Variants in URM1 observed in about 807,000 individuals in gnomAD.
The protein encoded by URM1 is ubiquitin related modifier 1.
A neutral mutation model predicts 17.7 loss-of-function variants in URM1; 11 were observed. The ratio of observed to expected loss-of-function variants is 0.62; its 90% confidence interval spans 0.39 to 1.03. The LOEUF (loss-of-function observed/expected upper bound fraction) is 1.03. Ranked by LOEUF, URM1 falls within the 50% of genes least tolerant of loss-of-function variation. The pLI, the probability that URM1 is intolerant of heterozygous loss-of-function variation, is 0.00. For synonymous variants in URM1, 48 were observed against 50.6 expected (o/e 0.95, Z 0.22); for missense variants, 128 against 129.2 (o/e 0.99, Z 0.04).
intron 2 of URM1, among the ~76,000 whole-genome samples, chr9:128,386,634 G>A (rs1022850611): frequency 6.6e-6 from 1 of 152,238 alleles, no homozygotes; most frequent in African/African-American, 2.4e-5. Context: ...CTGGGGCCGT[G>A]TGTGCGTGCC....
intron 1 of URM1, among the ~76,000 whole-genome samples, chr9:128,377,395 A>G (rs1833091695): frequency 6.6e-6 from 1 of 152,188 alleles, no homozygotes; most frequent in African/African-American, 2.4e-5. Flanking sequence ...GATATGGGCC[A>G]GGCGCGGTGG....
intron 1 of URM1, among the ~76,000 whole-genome samples, chr9:128,377,563 G>A (rs1037837039): frequency 2.6e-5 from 4 of 152,240 alleles, no homozygotes; most frequent in African/African-American, 4.8e-5. Context: ...CCAGCTACTC[G>A]GGAGGCTGAG....
rs562086648 is a variant in URM1 at position 128,378,483 on chromosome 9, C to T, written c.106+377C>T. The stretch of plus-strand genomic sequence containing the variant: ...ACCGGAACCTGGGAGGCGGAGGTTG[C>T]AGTGAGCCGAGATCATGCCACTGTA... On this transcript the variant is annotated intron_variant, in intron 2 of 4. Coordinates refer to ENST00000372853, the MANE Select transcript of URM1 (RefSeq NM_030914.4). Among the ~76,000 whole-genome samples the T allele has an allele frequency of 3.4e-4, 43 of 125,902 alleles. 1 individual carries two copies. In the East Asian group the frequency reaches 9.6e-3, roughly 28 times the overall value. The allele number at this position is 125,902 out of a possible 152,430, so 82.6% of individuals were successfully genotyped here.
At chr9:128,384,829 TA>T (rs1327120212) in intron 2 of URM1, among the ~76,000 whole-genome samples, 1 of 152,084 alleles carries the variant, frequency 6.6e-6, no homozygotes. Flanking sequence ...ATAGAACTAG[TA>T]AGTGATGGAG....
At chr9:128,373,173 TCCACCCACCCAC>T (rs567443765) in intron 1 of URM1, among the ~76,000 whole-genome samples, 2 of 146,968 alleles carry the variant, frequency 1.4e-5, no homozygotes, top group East Asian at 2.0e-4. Context: ...ACAACATTCC[TCCACCCACCCAC>T]CCACCCACCC....
At chr9:128,377,210 C>T (rs1427432881) in intron 1 of URM1, among the ~76,000 whole-genome samples, 1 of 152,038 alleles carries the variant, frequency 6.6e-6, no homozygotes, top group Non-Finnish European at 1.5e-5. Flanking sequence ...CCTACCTTGC[C>T]ACATTAGAAG....
intron 1 of URM1, 84 bp from the exon 2 acceptor site, chr9:128,377,952 C>T: frequency 2.1e-6 from 3 of 1,454,882 alleles, no homozygotes; most frequent in Non-Finnish European, 2.9e-6. Context: ...ATTACCAGCC[C>T]TATCCTCAGT....
At position 128,378,850 on chromosome 9, in the gene URM1, G is replaced by T. The variant is rs533986915; in HGVS notation, c.106+744G>T. ...TAATCCCAGCTACTCAGGAGGCTGG[G>T]GCAGGAGAATTGCTTAAACCTGGGA... On this transcript the variant is annotated intron_variant, in intron 2 of 4. Coordinates refer to ENST00000372853, the MANE Select transcript of URM1 (RefSeq NM_030914.4). Among the ~76,000 whole-genome samples, 3 of 151,388 alleles carry T rather than the reference G, an allele frequency of 2.0e-5. No homozygotes were observed. In the South Asian group the frequency reaches 6.3e-4, roughly 32 times the overall value.
intron 3 of URM1, chr9:128,388,501 G>A: frequency 1.0e-6 from 1 of 986,206 alleles, no homozygotes; most frequent in Non-Finnish European, 1.2e-6. Context: ...GTGAAAGGTG[G>A]CCGGTGCAGT....
At chr9:128,377,636 C>T (rs1833095053) in intron 1 of URM1, among the ~76,000 whole-genome samples, 1 of 152,140 alleles carries the variant, frequency 6.6e-6, no homozygotes, top group African/African-American at 2.4e-5. Context: ...CACCACTGCA[C>T]TGCAGCCTGG....
intron 2 of URM1, among the ~76,000 whole-genome samples, chr9:128,385,609 T>C (rs1192132888): frequency 2.6e-5 from 4 of 152,296 alleles, no homozygotes; most frequent in Non-Finnish European, 4.4e-5. Context: ...CTGACTCTGC[T>C]TAACCCTTCC....
At chr9:128,374,171 G>A (rs1391314380) in intron 1 of URM1, among the ~76,000 whole-genome samples, 1 of 152,144 alleles carries the variant, frequency 6.6e-6, no homozygotes, top group Non-Finnish European at 1.5e-5. Context: ...TCTTGAGGCT[G>A]GGCATGCACC....
At chr9:128,376,714 C>A (rs1019639863) in intron 1 of URM1, among the ~76,000 whole-genome samples, 1 of 151,742 alleles carries the variant, frequency 6.6e-6, no homozygotes, top group Non-Finnish European at 1.5e-5. Flanking sequence ...AGGCCAGGCA[C>A]AGTGACTCAT....
intron 2 of URM1, among the ~76,000 whole-genome samples, chr9:128,386,988 G>A (rs939630832): frequency 3.3e-5 from 5 of 152,364 alleles, no homozygotes; most frequent in Middle Eastern, 3.4e-3. Context: ...AGGCTTCGAG[G>A]TGTTTATAGA....
At chr9:128,389,191 A>G (rs1833269299) in intron 3 of URM1, 70 bp from the exon 4 acceptor site, 2 of 1,529,648 alleles carry the variant, frequency 1.3e-6, no homozygotes, top group Admixed American at 2.0e-5. Flanking sequence ...CAAAGCTCTC[A>G]GCCTCTCTTC....
chr9:128,383,226 C>T (rs1444023344), intron 2 of URM1, among the ~76,000 whole-genome samples: 1 of 152,178 alleles, frequency 6.6e-6, no homozygotes, highest in African/African-American at 2.4e-5. Context: ...TGAAAAGATC[C>T]ACTTTCTGCT....
In URM1 at chr9:128,391,582, T is replaced by A. The variant is rs1833315728; in HGVS notation, c.*1848T>A. ...GTCAGCCTGTCCGATTCTTGTAACC[T>A]GGAGGTCCCTCCCCATCTGCAGCCC... On this transcript the variant is annotated 3_prime_UTR_variant, in exon 5 of 5. Coordinates refer to ENST00000372853, the MANE Select transcript of URM1 (RefSeq NM_030914.4). The A allele has an allele frequency of 6.6e-6, 1 of 152,242 alleles. No individual in the cohort carries two copies. Among genetic ancestry groups the A allele is most frequent in the African/African-American group, 2.4e-5 (1 of 41,424 alleles). The allele number at this position is 152,242 out of a possible 1,614,324, so 9.4% of individuals were successfully genotyped here.
rs1383575646 is a variant in URM1 at position 128,387,778 on chromosome 9, G to T, written c.107-38G>T. Reference sequence around the variant, plus strand: ...CTCTGGGGGTGGGCAGGTGCTATTTGGGTTTGACAAGAGTTTGTTCTGTGC... The same window carrying T: ...CTCTGGGGGTGGGCAGGTGCTATTTTGGTTTGACAAGAGTTTGTTCTGTGC... On this transcript the variant is annotated intron_variant, in intron 2 of 4. Coordinates refer to ENST00000372853, the MANE Select transcript of URM1 (RefSeq NM_030914.4). This position sits in a 1 kb window ranked among gnomAD's most constrained non-coding sequence, Gnocchi z 4.3. 1 of 1,613,264 alleles carries T rather than the reference G, an allele frequency of 6.2e-7. No individual in the cohort carries two copies. The highest frequency in any genetic ancestry group is 8.5e-7 in the Non-Finnish European group (1 of 1,179,504).
At chr9:128,383,450 G>A (rs1371638247) in intron 2 of URM1, among the ~76,000 whole-genome samples, 1 of 152,126 alleles carries the variant, frequency 6.6e-6, no homozygotes, top group Non-Finnish European at 1.5e-5. Context: ...GAGCCGTCTT[G>A]GAGCCTGGTG....
Sources: gnomAD v4.1 joint callset for allele counts (sites outside exome capture counted in the v4.1 genomes callset) on GRCh38, gnomAD v4.1.1 for gene constraint, Gnocchi (gnomAD v3.1) non-coding constraint, MANE v1.5 for transcripts, NCBI Gene and HGNC (gene_info 2026-07-23, HGNC 2026-07-21) for gene names.